The following NRG1 variants were observed in gnomAD, a reference collection of about 807,000 sequenced individuals.
The protein encoded by NRG1 is neuregulin 1.
NRG1 carries 18 observed loss-of-function variants against 63.8 expected under a neutral mutation model. The ratio of observed to expected loss-of-function variants is 0.28; its 90% confidence interval spans 0.19 to 0.42. The LOEUF (loss-of-function observed/expected upper bound fraction) is 0.42, where lower values mean the gene tolerates loss of function less well. Among genes scored for constraint, NRG1 ranks in the 10% least tolerant of loss-of-function variants. The pLI is 1.00. For synonymous variants in NRG1, 302 were observed against 301.3 expected, an observed-to-expected ratio of 1.00 and a Z score of -0.02; for missense variants, 762 against 814.7, an observed-to-expected ratio of 0.94 and a Z score of 0.79.
At chr8:32,480,057 G>C (rs893395308) in intron 1 of NRG1, among the ~76,000 whole-genome samples, 2 of 152,144 alleles carry the variant, frequency 1.3e-5, no homozygotes, top group African/African-American at 4.8e-5. Flanking sequence ...GGTAGGCTTT[G>C]AAAGGAGGTG....
intron 1 of NRG1, among the ~76,000 whole-genome samples, chr8:31,873,291 T>C (rs1585410662): frequency 6.6e-6 from 1 of 152,312 alleles, no homozygotes; most frequent in East Asian, 1.9e-4. Context: ...CTGGGCACGA[T>C]GGCTCATGCC....
intron 1 of NRG1, among the ~76,000 whole-genome samples, chr8:32,205,956 A>G (rs1844019502): frequency 6.6e-6 from 1 of 151,648 alleles, no homozygotes; most frequent in Non-Finnish European, 1.5e-5. Context: ...AAAAAAATAC[A>G]AATTAGCCAT....
chr8:31,653,014 C>CCTTCT lies in NRG1; in HGVS notation c.37+13585_37+13586insTCTCT, dbSNP rs1563258167. 4.2e-5 allele frequency among the ~76,000 whole-genome samples: 3 copies of CCTTCT among 71,852 alleles called. No homozygotes were observed. In the Admixed American group the frequency reaches 4.4e-4, roughly 11 times the overall value. The allele number at this position is 71,852 out of a possible 152,430, so 47.1% of individuals were successfully genotyped here. A position where few individuals can be genotyped will look rare whatever the true frequency, so the allele number is the denominator to read the frequency against. ...CCTCTCCTCTCCTCTCCTCCCCTCC[C>CCTTCT]CTCCCCTCCCCTTCTCTCCCCTCCC... On this transcript the variant is annotated intron_variant, in intron 1 of 10. Coordinates refer to the NRG1 transcript ENST00000519301.
chr8:31,735,305 A>T (rs1814550212), intron 1 of NRG1, among the ~76,000 whole-genome samples: 2 of 152,164 alleles, frequency 1.3e-5, no homozygotes, highest in South Asian at 2.1e-4. Context: ...GAGTAGATTT[A>T]TTTAAGGGCC....
At chr8:31,800,439 A>T (rs970290918) in intron 1 of NRG1, among the ~76,000 whole-genome samples, 1 of 152,164 alleles carries the variant, frequency 6.6e-6, no homozygotes, top group Non-Finnish European at 1.5e-5. Flanking sequence ...GAGTGTTTTT[A>T]AAGCATGTCT....
intron 1 of NRG1, among the ~76,000 whole-genome samples, chr8:31,700,867 A>T (rs1240996663): frequency 6.6e-6 from 1 of 152,176 alleles, no homozygotes; most frequent in Non-Finnish European, 1.5e-5. Context: ...TTTATGGTAG[A>T]TTCAAGTAAC....
intron 1 of NRG1, among the ~76,000 whole-genome samples, chr8:32,207,689 C>A (rs1000806778): frequency 3.3e-5 from 5 of 152,112 alleles, no homozygotes; most frequent in African/African-American, 1.2e-4. Flanking sequence ...ATAACAGATT[C>A]AAAAAATCCA....
chr8:31,730,616 A>G (rs1813935843), intron 1 of NRG1, among the ~76,000 whole-genome samples: 2 of 152,202 alleles, frequency 1.3e-5, no homozygotes, highest in African/African-American at 4.8e-5. Flanking sequence ...TGCAAAACAT[A>G]GAAGGATTAT....
intron 1 of NRG1, among the ~76,000 whole-genome samples, chr8:32,296,343 C>G (rs867782218): frequency 1.3e-5 from 2 of 152,162 alleles, no homozygotes; most frequent in African/African-American, 4.8e-5. Context: ...TAACCCCAGC[C>G]CTTTGGGGGG....
chr8:32,745,650 G>A (rs187280571), intron 7 of NRG1, among the ~76,000 whole-genome samples: 7 of 151,986 alleles, frequency 4.6e-5, no homozygotes, highest in Middle Eastern at 3.4e-3. Context: ...AAAAAATTGT[G>A]TTCATCGATA....
intron 1 of NRG1, among the ~76,000 whole-genome samples, chr8:32,148,023 A>C (rs1212463260): frequency 6.6e-6 from 1 of 152,174 alleles, no homozygotes; most frequent in Non-Finnish European, 1.5e-5. Flanking sequence ...ATACTCGTGA[A>C]AGTCTTTTAT....
chr8:32,504,416 A>C (rs1828285411), intron 1 of NRG1, among the ~76,000 whole-genome samples: 1 of 152,196 alleles, frequency 6.6e-6, no homozygotes, highest in Non-Finnish European at 1.5e-5. Flanking sequence ...TTTAACCATT[A>C]AATAATATAT....
chr8:31,679,257 C>T (rs1808070422), intron 1 of NRG1, among the ~76,000 whole-genome samples: 1 of 152,044 alleles, frequency 6.6e-6, no homozygotes, highest in East Asian at 1.9e-4. Context: ...AGACACCCTA[C>T]CCCAACACTA....
chr8:32,354,249 A>G (rs1356815695), intron 1 of NRG1, among the ~76,000 whole-genome samples: 6 of 152,058 alleles, frequency 3.9e-5, no homozygotes, highest in African/African-American at 1.4e-4. Context: ...AGTGCCTGTA[A>G]TCCCAGCTAC....
intron 1 of NRG1, among the ~76,000 whole-genome samples, chr8:32,344,606 T>TC (rs1804632151): frequency 3.0e-5 from 1 of 32,842 alleles, no homozygotes; most frequent in African/African-American, 7.8e-5. Flanking sequence ...TCAGCTATTT[T>TC]TTTTTTTTTT....
intron 1 of NRG1, among the ~76,000 whole-genome samples, chr8:32,326,384 T>TCA (rs1282405963): frequency 1.4e-5 from 2 of 147,974 alleles, no homozygotes; most frequent in Non-Finnish European, 3.0e-5. Flanking sequence ...CAATCAAAGC[T>TCA]CACTGCATCT....
At chr8:31,746,888 A>T (rs1453881052) in intron 1 of NRG1, among the ~76,000 whole-genome samples, 1 of 151,962 alleles carries the variant, frequency 6.6e-6, no homozygotes, top group Admixed American at 6.6e-5. Flanking sequence ...CCATTATTTT[A>T]AGTGAAATAA....
chr8:31,950,648 T>C (rs1803328185), intron 1 of NRG1, among the ~76,000 whole-genome samples: 1 of 152,246 alleles, frequency 6.6e-6, no homozygotes, highest in Non-Finnish European at 1.5e-5. Context: ...AGGCTTTGTT[T>C]TTTTCTTGGC....
At chr8:31,670,787 GT>G (rs1274529783) in intron 1 of NRG1, among the ~76,000 whole-genome samples, 3 of 151,970 alleles carry the variant, frequency 2.0e-5, no homozygotes, top group Non-Finnish European at 4.4e-5. Context: ...TTTAACTTGG[GT>G]TTTTATTTTT....
Sources: allele counts gnomAD v4.1 joint callset (sites outside exome capture counted in the v4.1 genomes callset), GRCh38; gene constraint gnomAD v4.1.1; transcripts MANE v1.5; gene names NCBI Gene and HGNC (gene_info 2026-07-23, HGNC 2026-07-21).